The following PLA2G4A variants were observed in gnomAD, a reference collection of about 807,000 sequenced individuals.
PLA2G4A encodes the protein phospholipase A2 group IVA.
PLA2G4A carries 40 observed loss-of-function variants against 81.9 expected under a neutral mutation model. The ratio of observed to expected loss-of-function variants is 0.49; its 90% CI spans 0.38 to 0.64. The LOEUF is 0.64. Among genes scored for constraint, PLA2G4A ranks in the 30% least tolerant of loss-of-function variants. The pLI is 0.00. For missense variants in PLA2G4A, 715 were observed against 905.1 expected, an observed-to-expected ratio of 0.79 and a Z score of 2.69; for synonymous variants, 302 against 296.9, an observed-to-expected ratio of 1.02 and a Z score of -0.18.
intron 17 of PLA2G4A, among the ~76,000 whole-genome samples, chr1:186,984,430 C>A (rs1318113155): frequency 6.6e-6 from 1 of 152,114 alleles, no homozygotes; most frequent in Admixed American, 6.5e-5. Context: ...GTCTTAGAAC[C>A]AGTTATGTGT....
At chr1:186,876,194 A>G (rs566967526) in intron 3 of PLA2G4A, among the ~76,000 whole-genome samples, 1 of 152,274 alleles carries the variant, frequency 6.6e-6, no homozygotes, top group South Asian at 2.1e-4. Flanking sequence ...GATTCGCGAA[A>G]TAACTATGAA....
intron 13 of PLA2G4A, among the ~76,000 whole-genome samples, chr1:186,954,534 G>C (rs6675261): frequency 0.96 from 145,773 of 152,174 alleles, 69,868 homozygotes; most frequent in East Asian, 1. Flanking sequence ...CACATGTATA[G>C]CTATGTATCA....
intron 2 of PLA2G4A, 149 bp from the exon 3 acceptor site, chr1:186,870,286 G>T (rs1054947184): frequency 1.5e-6 from 1 of 681,266 alleles, no homozygotes; most frequent in East Asian, 2.7e-5. Flanking sequence ...AGAGAGAAGA[G>T]AGTCAAAAAA....
chr1:186,917,510 G>A (rs903537577), intron 7 of PLA2G4A, among the ~76,000 whole-genome samples: 11 of 152,044 alleles, frequency 7.2e-5, no homozygotes, highest in Non-Finnish European at 1.6e-4. Flanking sequence ...CGATTCATTC[G>A]CTCCACCTTT....
intron 5 of PLA2G4A, among the ~76,000 whole-genome samples, chr1:186,903,089 C>G (rs977119067): frequency 2.0e-5 from 3 of 151,972 alleles, no homozygotes; most frequent in Non-Finnish European, 2.9e-5. Flanking sequence ...AAACATGATT[C>G]TAAGTAAAAT....
chr1:186,861,929 G>A (rs777755103), intron 2 of PLA2G4A, among the ~76,000 whole-genome samples: 4 of 150,932 alleles, frequency 2.7e-5, no homozygotes, highest in Non-Finnish European at 5.9e-5. Flanking sequence ...TTTTACCCAC[G>A]ATATCATTTT....
rs199689556 is a variant in PLA2G4A, at chr1:186,931,177, CTTTG to C, written c.559-1581_559-1578del. Among the ~76,000 whole-genome samples the C allele has an allele frequency of 1.6e-4, 24 of 152,192 alleles. No individual in the cohort carries two copies. In the East Asian group the frequency reaches 3.1e-3, roughly 20 times the overall value. On this transcript the variant is annotated intron_variant, in intron 7 of 17. Transcript: ENST00000367466. ...TTTACTTTATTTACAATTTTAAAAT[CTTTG>C]TTTGAGAGCTTGGTATTTATACAAA...
intron 7 of PLA2G4A, among the ~76,000 whole-genome samples, chr1:186,922,984 T>G (rs1203631496): frequency 6.6e-6 from 1 of 152,240 alleles, no homozygotes; most frequent in African/African-American, 2.4e-5. Context: ...CATAACCAAT[T>G]ATGTCAGTCG....
intron 1 of PLA2G4A, among the ~76,000 whole-genome samples, chr1:186,832,169 G>A (rs1486227024): frequency 1.3e-5 from 2 of 151,834 alleles, no homozygotes; most frequent in African/African-American, 4.8e-5. Context: ...ATAAATAATT[G>A]TTGGATATTT....
chr1:186,953,340 A>C (rs955530883), intron 13 of PLA2G4A, among the ~76,000 whole-genome samples: 1 of 152,150 alleles, frequency 6.6e-6, no homozygotes, highest in Non-Finnish European at 1.5e-5. Flanking sequence ...ATCTTCTCAT[A>C]TGCTTATCTG....
intron 3 of PLA2G4A, chr1:186,870,844 A>C: frequency 1.4e-6 from 1 of 699,846 alleles, no homozygotes; most frequent in Non-Finnish European, 2.4e-6. Flanking sequence ...GCCTTCTTCA[A>C]ATGTGGTTAT....
intron 12 of PLA2G4A, among the ~76,000 whole-genome samples, chr1:186,949,250 G>A (rs1213465163): frequency 3.7e-5 from 5 of 134,596 alleles, no homozygotes; most frequent in African/African-American, 1.1e-4. Flanking sequence ...GTGACAGAAA[G>A]AAAGAAAGGA....
rs1342496775 is a variant in PLA2G4A, at chr1:186,979,458, C to T, written c.2104C>T (p.Leu702=). ...RLHDLMHFNT[L]NNIDVIKEAM... is the part of the protein sequence containing the mutation. The stretch of plus-strand genomic sequence containing the variant: ...ACATGATCTTATGCACTTCAATACT[C>T]TGAACAACATTGATGTAAGTATCTC... Residue 702 remains leucine (L), a synonymous_variant, in exon 17 of 18, where the codon CTG becomes TTG. Coordinates refer to ENST00000367466, the MANE Select transcript of PLA2G4A (RefSeq NM_024420.3). 6.3e-7 allele frequency: 1 copy of T among 1,596,488 alleles called. No individual in the cohort carries two copies.
chr1:186,932,066 T>C (rs992280276), intron 7 of PLA2G4A, among the ~76,000 whole-genome samples: 5 of 152,186 alleles, frequency 3.3e-5, no homozygotes, highest in African/African-American at 1.2e-4. Context: ...TATATAACTT[T>C]CATTTGCAAA....
At chr1:186,952,385 A>AT (rs1656590546) in intron 13 of PLA2G4A, among the ~76,000 whole-genome samples, 1 of 151,842 alleles carries the variant, frequency 6.6e-6, no homozygotes, top group Admixed American at 6.6e-5. Flanking sequence ...CTTAGTATTT[A>AT]TTTTTTCTCT....
At chr1:186,859,136 A>G (rs988543499) in intron 2 of PLA2G4A, among the ~76,000 whole-genome samples, 4 of 152,178 alleles carry the variant, frequency 2.6e-5, no homozygotes, top group African/African-American at 4.8e-5. Flanking sequence ...CCTCAAGGCC[A>G]GGAGACTGGG....
intron 3 of PLA2G4A, among the ~76,000 whole-genome samples, chr1:186,882,601 G>A (rs1653777041): frequency 6.6e-6 from 1 of 152,058 alleles, no homozygotes; most frequent in Non-Finnish European, 1.5e-5. Flanking sequence ...GGAGAACCTT[G>A]GGTTTGATGG....
At chr1:186,923,639 A>T (rs1368028966) in intron 7 of PLA2G4A, among the ~76,000 whole-genome samples, 1 of 152,220 alleles carries the variant, frequency 6.6e-6, no homozygotes, top group Non-Finnish European at 1.5e-5. Context: ...TTGCAAGAGG[A>T]TGACTCACCC....
intron 6 of PLA2G4A, among the ~76,000 whole-genome samples, chr1:186,909,650 A>G (rs1467117060): frequency 1.7e-5 from 2 of 117,550 alleles, no homozygotes; most frequent in East Asian, 5.2e-4. Context: ...ACAGGAGCGA[A>G]ACTCCGTCTC....
Sources: allele counts gnomAD v4.1 joint callset (sites outside exome capture counted in the v4.1 genomes callset), GRCh38; gene constraint gnomAD v4.1.1; transcripts MANE v1.5; gene names NCBI Gene and HGNC (gene_info 2026-07-23, HGNC 2026-07-21).